The following SEMA5A variants were observed in gnomAD, a reference collection of about 807,000 sequenced individuals.
SEMA5A encodes semaphorin 5A.
Under a neutral mutation model 135.5 loss-of-function variants are expected in SEMA5A, and 55 were observed. The ratio of observed to expected loss-of-function variants is 0.41; its 90% CI spans 0.33 to 0.51. SEMA5A has a LOEUF of 0.51. Ranked by LOEUF, SEMA5A falls within the 20% of genes least tolerant of loss-of-function variation. SEMA5A has a pLI of 0.37. For missense variants in SEMA5A, 1,290 were observed against 1,419.9 expected, an observed-to-expected ratio of 0.91 and a Z score of 1.47; for synonymous variants, 580 against 546.5, an observed-to-expected ratio of 1.06 and a Z score of -0.85.
chr5:9,252,368 T>C (rs114890333), intron 5 of SEMA5A, among the ~76,000 whole-genome samples: 2 of 152,332 alleles, frequency 1.3e-5, no homozygotes, highest in African/African-American at 4.8e-5. Context: ...AAAAGTAAAC[T>C]TAATTGTGAA....
chr5:9,487,598 T>G (rs1028774457), intron 1 of SEMA5A, among the ~76,000 whole-genome samples: 13 of 152,154 alleles, frequency 8.5e-5, no homozygotes, highest in Non-Finnish European at 1.9e-4. Context: ...GAAGAGGATA[T>G]AGTTCACTCT....
chr5:9,158,771 A>T (rs1743090333), intron 11 of SEMA5A, among the ~76,000 whole-genome samples: 1 of 152,216 alleles, frequency 6.6e-6, no homozygotes, highest in African/African-American at 2.4e-5. Flanking sequence ...GGACAGAGCT[A>T]CTTCAAGACT....
chr5:9,170,042 T>C (rs920899040), intron 11 of SEMA5A, among the ~76,000 whole-genome samples: 3 of 152,178 alleles, frequency 2.0e-5, no homozygotes, highest in African/African-American at 4.8e-5. Flanking sequence ...ACTGTCAGTA[T>C]TCCATCTGGG....
chr5:9,427,316 GA>G (rs139386414), intron 2 of SEMA5A, among the ~76,000 whole-genome samples: 1 of 152,028 alleles, frequency 6.6e-6, no homozygotes, highest in Non-Finnish European at 1.5e-5. Flanking sequence ...TCTCGGGGGG[GA>G]AAAAGATGAA....
At chr5:9,044,918 T>G (rs543736275) in intron 21 of SEMA5A, among the ~76,000 whole-genome samples, 119 of 152,012 alleles carry the variant, frequency 7.8e-4, no homozygotes, top group Middle Eastern at 3.4e-3. Flanking sequence ...CCGAGTAGCT[T>G]GGATTACAGA....
At chr5:9,499,042 G>A (rs1735447590) in intron 1 of SEMA5A, among the ~76,000 whole-genome samples, 1 of 152,166 alleles carries the variant, frequency 6.6e-6, no homozygotes, top group Non-Finnish European at 1.5e-5. Flanking sequence ...CAAAGCAGTG[G>A]ATGTAAACAT....
chr5:9,489,643 GA>G (rs1304446889), intron 1 of SEMA5A, among the ~76,000 whole-genome samples: 1 of 152,222 alleles, frequency 6.6e-6, no homozygotes, highest in Non-Finnish European at 1.5e-5. Context: ...ATTTTTAAGT[GA>G]AGTAGGTATT....
intron 3 of SEMA5A, among the ~76,000 whole-genome samples, chr5:9,360,007 GA>G (rs1754621620): frequency 6.6e-6 from 1 of 152,154 alleles, no homozygotes; most frequent in South Asian, 2.1e-4. Flanking sequence ...GAGAAATATA[GA>G]CATGGTTTTG....
chr5:9,467,913 T>C (rs2126745571), intron 1 of SEMA5A, among the ~76,000 whole-genome samples: 1 of 152,336 alleles, frequency 6.6e-6, no homozygotes, highest in South Asian at 2.1e-4. Context: ...CACTAAAACT[T>C]CAAAGTCCTT....
At chr5:9,194,901 T>C (rs1018490109) in intron 10 of SEMA5A, among the ~76,000 whole-genome samples, 1 of 152,150 alleles carries the variant, frequency 6.6e-6, no homozygotes, top group East Asian at 1.9e-4. Context: ...GCTGCAAAGG[T>C]ATCCTGATGA....
At chr5:9,441,404 C>T (rs1032175379) in intron 1 of SEMA5A, among the ~76,000 whole-genome samples, 4 of 151,964 alleles carry the variant, frequency 2.6e-5, no homozygotes, top group African/African-American at 9.7e-5. Context: ...GGAGGAACAG[C>T]TGAAAGTCAT....
intron 8 of SEMA5A, among the ~76,000 whole-genome samples, chr5:9,219,695 T>C (rs1477119805): frequency 6.6e-6 from 1 of 152,166 alleles, no homozygotes; most frequent in African/African-American, 2.4e-5. Context: ...TTTTGGACTT[T>C]CAGCCTCCAG....
Position 9,201,994 on chromosome 5 carries a change from G to T in SEMA5A, c.893C>A (p.Pro298His), listed in dbSNP as rs1745734079. ...YNELQSTFFL[P>H]ELDLIYGIFT... is the part of the protein sequence containing the mutation. ...GATGCCATAGATCAAATCCAGCTCA[G>T]GCAGGAAGAAAGTACTCTGCAATTC... The change falls in exon 9 of 23, where the codon CCT becomes CAT. Residue 298 changes from proline to histidine, a missense_variant. Around this residue, in one of 3 missense-constraint regions of SEMA5A, gnomAD observed 1,029 missense variants for 1,086.6 expected, o/e 0.95. Transcript: ENST00000382496. 1 of 1,614,144 alleles carries T rather than the reference G, an allele frequency of 6.2e-7. No homozygotes were observed.
intron 1 of SEMA5A, among the ~76,000 whole-genome samples, chr5:9,515,771 T>C (rs1282610461): frequency 6.6e-6 from 1 of 152,320 alleles, no homozygotes. Flanking sequence ...TTAATGTCAG[T>C]GTAAAATCTG....
chr5:9,344,662 C>G (rs922812891), intron 3 of SEMA5A, among the ~76,000 whole-genome samples: 3 of 152,164 alleles, frequency 2.0e-5, no homozygotes, highest in Admixed American at 1.3e-4. Flanking sequence ...TTATCTCCCT[C>G]AAATGACTTT....
chr5:9,137,154 G>A (rs941913232), intron 12 of SEMA5A, among the ~76,000 whole-genome samples: 1 of 152,100 alleles, frequency 6.6e-6, no homozygotes, highest in African/African-American at 2.4e-5. Context: ...GAAAACTGAG[G>A]CACAGAAAAT....
intron 2 of SEMA5A, among the ~76,000 whole-genome samples, chr5:9,428,066 G>A (rs956452329): frequency 7.6e-5 from 11 of 144,126 alleles, no homozygotes; most frequent in African/African-American, 2.9e-4. Context: ...ACATATATGT[G>A]TGTAAATATA....
intron 3 of SEMA5A, among the ~76,000 whole-genome samples, chr5:9,371,437 G>A (rs148681102): frequency 2.0e-5 from 3 of 152,210 alleles, no homozygotes; most frequent in Admixed American, 6.5e-5. Flanking sequence ...GTGGTTACAT[G>A]CTGCATTTTC....
At chr5:9,456,687 A>G (rs1473227438) in intron 1 of SEMA5A, among the ~76,000 whole-genome samples, 2 of 152,218 alleles carry the variant, frequency 1.3e-5, no homozygotes, top group African/African-American at 4.8e-5. Flanking sequence ...CAAAGGCAGA[A>G]GGCTGGAACC....
Sources: gnomAD v4.1 joint callset for allele counts (sites outside exome capture counted in the v4.1 genomes callset) on GRCh38, gnomAD v4.1.1 for gene constraint, gnomAD v4.1.1 regional missense constraint, MANE v1.5 for transcripts, NCBI Gene and HGNC (gene_info 2026-07-23, HGNC 2026-07-21) for gene names.